Variants in ZFYVE28 observed in about 807,000 individuals in gnomAD.
ZFYVE28 encodes zinc finger FYVE-type containing 28.
A neutral mutation model predicts 82.1 loss-of-function variants in ZFYVE28; 40 were observed. The observed-to-expected ratio is 0.49, with a 90% CI of 0.38 to 0.63. The LOEUF (loss-of-function observed/expected upper bound fraction) is 0.63, where lower values mean the gene tolerates loss of function less well. ZFYVE28 is among the 30% of genes least tolerant of loss of function. The pLI is 0.00. For synonymous variants in ZFYVE28, 612 were observed against 546.1 expected, an observed-to-expected ratio of 1.12 and a Z score of -1.68; for missense variants, 1,321 against 1,242.1, an observed-to-expected ratio of 1.06 and a Z score of -0.96.
chr4:2,314,832 G>A (rs920352656), intron 7 of ZFYVE28, among the ~76,000 whole-genome samples: 17 of 152,148 alleles, frequency 1.1e-4, no homozygotes, highest in African/African-American at 4.1e-4. Flanking sequence ...AAGCTGGAGT[G>A]CAGTGGCACA....
chr4:2,324,316 G>A (rs183550675), intron 6 of ZFYVE28, among the ~76,000 whole-genome samples: 1 of 152,316 alleles, frequency 6.6e-6, no homozygotes, highest in East Asian at 1.9e-4. Flanking sequence ...TGTACTCAGA[G>A]TCTACTGATT....
intron 8 of ZFYVE28, among the ~76,000 whole-genome samples, chr4:2,279,562 G>T (rs558479618): frequency 6.6e-6 from 1 of 152,104 alleles, no homozygotes; most frequent in Non-Finnish European, 1.5e-5. Context: ...GGCGGATCAC[G>T]AGGTCAGGAG....
At chr4:2,404,831 C>G (rs777118908) in intron 1 of ZFYVE28, among the ~76,000 whole-genome samples, 1 of 149,828 alleles carries the variant, frequency 6.7e-6, no homozygotes, top group African/African-American at 2.5e-5. Flanking sequence ...TATATATTCA[C>G]TGCATTTCAC....
chr4:2,304,587 A>G lies in ZFYVE28; in HGVS notation c.1753T>C (p.Cys585Arg), dbSNP rs1716225022. The G allele has an allele frequency of 1.2e-6, 2 of 1,612,396 alleles. No individual in the cohort carries two copies. Among genetic ancestry groups the G allele is most frequent in the East Asian group, 4.5e-5 (2 of 44,864 alleles). Residue 585 changes from cysteine (C) to arginine (R), a missense_variant, in exon 8 of 13, where the codon TGC becomes CGC. Cys to Arg is a radical substitution (Grantham distance 180). This residue lies in a region of ZFYVE28 where 978 missense variants were observed against 833.7 expected (regional missense o/e 1.17). Transcript: ENST00000290974. Reference sequence around the variant, plus strand: ...GCACCAATGACGCCTCCCGGGCTGCACTTCTCCCGCAGACGCTCCACCACG... The same window carrying G: ...GCACCAATGACGCCTCCCGGGCTGCGCTTCTCCCGCAGACGCTCCACCACG... ...EDVVERLREK[C>R]SPGGVIGASY...
At position 2,408,055 on chromosome 4, in the gene ZFYVE28, C is replaced by A. The variant is rs1294214394; in HGVS notation, c.39+10230G>T. On this transcript the variant is annotated intron_variant, in intron 1 of 12. Transcript: ENST00000290974. The surrounding 1 kb of genome is among the most constrained non-coding windows in gnomAD (Gnocchi z 4.3). ...CCAGAACACCATGTACCTCACTCGGCCAGGCTGCCCAGGTGACCCTGTGCT... is the reference window on the plus strand; with the variant it reads ...CCAGAACACCATGTACCTCACTCGGACAGGCTGCCCAGGTGACCCTGTGCT... Among the ~76,000 whole-genome samples, 2 of 152,328 alleles carry A rather than the reference C, an allele frequency of 1.3e-5. No homozygotes were observed. The highest frequency in any genetic ancestry group is 3.4e-3 in the Middle Eastern group (1 of 294).
intron 2 of ZFYVE28, among the ~76,000 whole-genome samples, chr4:2,346,705 T>C (rs1055816293): frequency 4.6e-5 from 7 of 152,126 alleles, no homozygotes; most frequent in African/African-American, 9.7e-5. Flanking sequence ...AAGACAATTA[T>C]TATAAACCCT....
intron 7 of ZFYVE28, among the ~76,000 whole-genome samples, chr4:2,311,992 T>A (rs1717530799): frequency 6.6e-6 from 1 of 152,134 alleles, no homozygotes; most frequent in African/African-American, 2.4e-5. Context: ...AGGGGGCAAA[T>A]TAGATAAGAG....
At chr4:2,391,002 C>T (rs1165746712) in intron 1 of ZFYVE28, among the ~76,000 whole-genome samples, 1 of 152,236 alleles carries the variant, frequency 6.6e-6, no homozygotes, top group African/African-American at 2.4e-5. Flanking sequence ...TCATAGAAGA[C>T]AGCAGCTGCT....
chr4:2,400,821 G>A (rs1001710961), intron 1 of ZFYVE28, among the ~76,000 whole-genome samples: 1 of 152,058 alleles, frequency 6.6e-6, no homozygotes, highest in African/African-American at 2.4e-5. Context: ...CAGATTAAGG[G>A]TGGGCCTGCC....
At chr4:2,283,342 T>C in intron 8 of ZFYVE28, among the ~76,000 whole-genome samples, 1 of 124,726 alleles carries the variant, frequency 8.0e-6, no homozygotes, top group Non-Finnish European at 1.7e-5. Flanking sequence ...CACCCATCCA[T>C]TTATCCATCC....
In ZFYVE28 at chr4:2,341,294, C is replaced by G; in HGVS notation, c.318+184G>C. On this transcript the variant is annotated intron_variant, in intron 3 of 12. Transcript: ENST00000290974. This position sits in a 1 kb window ranked among gnomAD's most constrained non-coding sequence, Gnocchi z 4.5. ...TTGGGGGCACCAGTTCATGGCTTTCCCAGATCCTCCAGGGGTGCACGGCCT... is the reference window on the plus strand; with the variant it reads ...TTGGGGGCACCAGTTCATGGCTTTCGCAGATCCTCCAGGGGTGCACGGCCT... The G allele has an allele frequency of 1.3e-6, 1 of 761,674 alleles. No individual in the cohort carries two copies. Among genetic ancestry groups the G allele is most frequent in the Non-Finnish European group, 2.1e-6 (1 of 477,530 alleles). 47.2% of individuals were successfully genotyped at this position (761,674 alleles called of 1,614,324 possible).
At chr4:2,317,610 G>A (rs1416913851) in intron 7 of ZFYVE28, among the ~76,000 whole-genome samples, 2 of 152,036 alleles carry the variant, frequency 1.3e-5, no homozygotes, top group African/African-American at 4.8e-5. Flanking sequence ...GTCTCTAGCA[G>A]TGTGCTCACG....
chr4:2,338,688 G>C (rs1722247947), intron 4 of ZFYVE28, among the ~76,000 whole-genome samples: 1 of 152,192 alleles, frequency 6.6e-6, no homozygotes, highest in Admixed American at 6.5e-5. Context: ...AATAAAACTC[G>C]ACTGTCCGTG....
intron 8 of ZFYVE28, among the ~76,000 whole-genome samples, chr4:2,296,879 A>C (rs1250749844): frequency 6.6e-6 from 1 of 151,968 alleles, no homozygotes; most frequent in African/African-American, 2.4e-5. Flanking sequence ...TCAGCCTTCT[A>C]CCTGGAGGCT....
At chr4:2,306,918 CG>C (rs1046161557) in intron 7 of ZFYVE28, 1 of 152,236 alleles carries the variant, frequency 6.6e-6, no homozygotes, top group Non-Finnish European at 1.5e-5. Context: ...CCAGCATCTT[CG>C]TGTATCTCTC....
chr4:2,354,754 C>T (rs1258699668), intron 1 of ZFYVE28, among the ~76,000 whole-genome samples: 1 of 152,086 alleles, frequency 6.6e-6, no homozygotes, highest in Admixed American at 6.6e-5. Context: ...CCACTGTGCC[C>T]GGCCAGGAAA....
At chr4:2,350,125 C>A (rs1027924490) in intron 2 of ZFYVE28, among the ~76,000 whole-genome samples, 1 of 151,808 alleles carries the variant, frequency 6.6e-6, no homozygotes, top group African/African-American at 2.4e-5. Context: ...AAAAATTTAA[C>A]AGAATCTACA....
intron 6 of ZFYVE28, chr4:2,330,977 C>T (rs1418209906): frequency 6.5e-7 from 1 of 1,534,770 alleles, no homozygotes; most frequent in Non-Finnish European, 8.7e-7. Context: ...TGAAGAGGAT[C>T]CGGCAACCAT....
At chr4:2,373,053 C>T (rs973914806) in intron 1 of ZFYVE28, among the ~76,000 whole-genome samples, 25 of 152,192 alleles carry the variant, frequency 1.6e-4, no homozygotes, top group Non-Finnish European at 2.8e-4. Context: ...GGACAGAAGG[C>T]TCAAGAATGC....
Sources: gnomAD v4.1 joint callset for allele counts (sites outside exome capture counted in the v4.1 genomes callset) on GRCh38, gnomAD v4.1.1 for gene constraint, gnomAD v4.1.1 regional missense constraint, Gnocchi (gnomAD v3.1) non-coding constraint, MANE v1.5 for transcripts, NCBI Gene and HGNC (gene_info 2026-07-23, HGNC 2026-07-21) for gene names.